The following BRIP1 variants were observed in gnomAD, a reference collection of about 807,000 sequenced individuals.
BRIP1 encodes the protein BRCA1 interacting DNA helicase 1.
Under a neutral mutation model 119.7 loss-of-function variants are expected in BRIP1, and 88 were observed. The ratio of observed to expected loss-of-function variants is 0.74; its 90% CI spans 0.62 to 0.88. The LOEUF (loss-of-function observed/expected upper bound fraction) is 0.88, where lower values mean the gene tolerates loss of function less well. BRIP1 is among the 40% of genes least tolerant of loss of function. BRIP1 has a pLI of 0.00. For synonymous variants in BRIP1, 443 were observed against 496.5 expected (o/e 0.89, Z 1.43); for missense variants, 1,259 against 1,455.4 (o/e 0.87, Z 2.20).
rs182647392 is a variant in BRIP1 at position 61,742,675 on chromosome 17, G to A, written c.2379+338C>T. Among the ~76,000 whole-genome samples, 7 of 152,240 alleles carry A rather than the reference G, an allele frequency of 4.6e-5. No individual in the cohort carries two copies. The highest frequency in any genetic ancestry group is 3.9e-4 in the East Asian group (2 of 5,188). ...AATACATACATCACTTATGAATTAC[G>A]TTTGCTCTCTTATGTGGGTACAGTA... On this transcript the variant is annotated intron_variant, in intron 16 of 19. Transcript: ENST00000259008. This position sits in a 1 kb window ranked among gnomAD's most constrained non-coding sequence, Gnocchi z 4.7.
intron 14 of BRIP1, among the ~76,000 whole-genome samples, chr17:61,749,133 C>T (rs940514082): frequency 1.6e-5 from 1 of 61,288 alleles, no homozygotes; most frequent in Non-Finnish European, 3.6e-5. Context: ...GAGACTCTGT[C>T]TAAAAAAAAA....
chr17:61,824,740 A>C lies in BRIP1; in HGVS notation c.628-15983T>G, dbSNP rs1030209216. On this transcript the variant is annotated intron_variant, in intron 6 of 19. Coordinates refer to ENST00000259008, the MANE Select transcript of BRIP1 (RefSeq NM_032043.3). The surrounding 1 kb of genome is among the most constrained non-coding windows in gnomAD (Gnocchi z 4.3). ...GGTGATAAAAAATGGACTTCATGAG[A>C]TAAATTGGACTCATGAAAATTAAAA... Among the ~76,000 whole-genome samples, 9 of 152,236 alleles carry C rather than the reference A, an allele frequency of 5.9e-5. No individual in the cohort carries two copies. Among genetic ancestry groups the C allele is most frequent in the African/African-American group, 2.2e-4 (9 of 41,468 alleles).
intron 4 of BRIP1, among the ~76,000 whole-genome samples, chr17:61,854,984 A>G (rs1282046441): frequency 6.6e-6 from 1 of 152,252 alleles, no homozygotes; most frequent in African/African-American, 2.4e-5. Flanking sequence ...ATCTCAAAAT[A>G]ATTGTCATAA....
chr17:61,813,141 AT>A (rs1328422933), intron 6 of BRIP1, among the ~76,000 whole-genome samples: 1 of 152,122 alleles, frequency 6.6e-6, no homozygotes, highest in Admixed American at 6.5e-5. Flanking sequence ...TACAAATTGA[AT>A]TTCAAAAGCA....
rs150551791 is a variant in BRIP1 at position 61,691,799 on chromosome 17, A to C, written c.2575+1631T>G. 5.6e-4 allele frequency among the ~76,000 whole-genome samples: 85 copies of C among 152,286 alleles called. No homozygotes were observed. Among genetic ancestry groups the C allele is most frequent in the African/African-American group, 1.9e-3 (80 of 41,564 alleles). On this transcript the variant is annotated intron_variant, in intron 18 of 19. Transcript: ENST00000259008. The surrounding 1 kb of genome is among the most constrained non-coding windows in gnomAD (Gnocchi z 5.0). ...ACCACAAAGGACCACAAATAGGCAA[A>C]AGAACCTTGAGAAAAATGATAAAAG...
rs929773878 is a variant in BRIP1 at position 61,745,454 on chromosome 17, G to C, written c.2098-863C>G. ...CAAGATCATAGCTCAGTGCAGCCTC[G>C]AACTACTAGGCTCAGGCAATCCCTC... On this transcript the variant is annotated intron_variant, in intron 14 of 19. Transcript: ENST00000259008. This position sits in a 1 kb window ranked among gnomAD's most constrained non-coding sequence, Gnocchi z 4.4. Among the ~76,000 whole-genome samples, 3 of 152,174 alleles carry C rather than the reference G, an allele frequency of 2.0e-5. No homozygotes were observed. Among genetic ancestry groups the C allele is most frequent in the African/African-American group, 4.8e-5 (2 of 41,532 alleles).
Position 61,725,897 on chromosome 17 carries a change from G to C in BRIP1, c.2380-9834C>G, listed in dbSNP as rs1420679906. ...CTGTCTTGGCCTCCCAAAGCTGTGG[G>C]ATTAAGGTGTTATCCACCATGCCTG... On this transcript the variant is annotated intron_variant, in intron 16 of 19. Transcript: ENST00000259008. This position sits in a 1 kb window ranked among gnomAD's most constrained non-coding sequence, Gnocchi z 5.3. Among the ~76,000 whole-genome samples the C allele has an allele frequency of 2.0e-5, 3 of 152,162 alleles. No homozygotes were observed. The highest frequency in any genetic ancestry group is 7.2e-5 in the African/African-American group (3 of 41,440).
At chr17:61,817,763 T>C (rs1219883394) in intron 6 of BRIP1, among the ~76,000 whole-genome samples, 1 of 152,150 alleles carries the variant, frequency 6.6e-6, no homozygotes, top group East Asian at 1.9e-4. Context: ...AGAAAACCAA[T>C]GGTTATTGCA....
Position 61,828,385 on chromosome 17 carries a change from T to A in BRIP1, c.627+18716A>T, listed in dbSNP as rs1420295619. On this transcript the variant is annotated intron_variant, in intron 6 of 19. Transcript: ENST00000259008. This position sits in a 1 kb window ranked among gnomAD's most constrained non-coding sequence, Gnocchi z 4.1. ...CATAGAGACGGAAAGGAGAACGGCA[T>A]TTTTCCTGGGGCTGGACAATAGGGA... Among the ~76,000 whole-genome samples the A allele has an allele frequency of 6.6e-6, 1 of 152,108 alleles. No individual in the cohort carries two copies. Among genetic ancestry groups the A allele is most frequent in the Non-Finnish European group, 1.5e-5 (1 of 68,012 alleles).
intron 17 of BRIP1, among the ~76,000 whole-genome samples, chr17:61,714,056 G>C (rs2061821336): frequency 6.6e-6 from 1 of 152,254 alleles, no homozygotes; most frequent in East Asian, 1.9e-4. Flanking sequence ...TGTGCCTGGA[G>C]TTCCAGCTAC....
chr17:61,756,001 A>G lies in BRIP1; in HGVS notation c.2098-11410T>C, dbSNP rs1312094784. Reference sequence around the variant, plus strand: ...CAATGTGTTTTATTTTAATTTCTTCAGTGGAGATTTTTTTTAAAGTACCTT... The same window carrying G: ...CAATGTGTTTTATTTTAATTTCTTCGGTGGAGATTTTTTTTAAAGTACCTT... On this transcript the variant is annotated intron_variant, in intron 14 of 19. Coordinates refer to ENST00000259008, the MANE Select transcript of BRIP1 (RefSeq NM_032043.3). This position sits in a 1 kb window ranked among gnomAD's most constrained non-coding sequence, Gnocchi z 4.3. Among the ~76,000 whole-genome samples, 2 of 152,194 alleles carry G rather than the reference A, an allele frequency of 1.3e-5. No homozygotes were observed. Among genetic ancestry groups the G allele is most frequent in the Admixed American group, 1.3e-4 (2 of 15,280 alleles).
rs2077437545 is a variant in BRIP1 at position 61,770,823 on chromosome 17, T to C, written c.2097+5578A>G. ...AAAATTTAAATGGCACACTAGAAAATATCTATCTATTAGATTCAAAAGGCA... is the reference window on the plus strand; with the variant it reads ...AAAATTTAAATGGCACACTAGAAAACATCTATCTATTAGATTCAAAAGGCA... On this transcript the variant is annotated intron_variant, in intron 14 of 19. Transcript: ENST00000259008. The surrounding 1 kb of genome is among the most constrained non-coding windows in gnomAD (Gnocchi z 4.7). Among the ~76,000 whole-genome samples the C allele has an allele frequency of 6.6e-6, 1 of 151,874 alleles. No homozygotes were observed. Among genetic ancestry groups the C allele is most frequent in the Non-Finnish European group, 1.5e-5 (1 of 67,966 alleles).
In BRIP1 at chr17:61,826,162, A is replaced by G. The variant is rs142200606; in HGVS notation, c.628-17405T>C. ...ACAAGCAATGGGGAAAGGATTCCCT[A>G]TTCAGTAAATGGTGCTGGGATAACT... is the stretch of plus-strand genomic sequence containing the variant. On this transcript the variant is annotated intron_variant, in intron 6 of 19. Transcript: ENST00000259008. Among the ~76,000 whole-genome samples the G allele has an allele frequency of 7.2e-5, 11 of 152,328 alleles. No homozygotes were observed. The East Asian group carries it at 2.1e-3, about 29-fold the overall frequency.
In BRIP1 at chr17:61,832,178, C is replaced by CTT. The variant is rs960304702; in HGVS notation, c.627+14921_627+14922dup. 4.6e-5 allele frequency among the ~76,000 whole-genome samples: 7 copies of CTT among 152,150 alleles called. No homozygotes were observed. Among genetic ancestry groups the CTT allele is most frequent in the Non-Finnish European group, 1.0e-4 (7 of 68,012 alleles). On this transcript the variant is annotated intron_variant, in intron 6 of 19. Coordinates refer to ENST00000259008, the MANE Select transcript of BRIP1 (RefSeq NM_032043.3). This position sits in a 1 kb window ranked among gnomAD's most constrained non-coding sequence, Gnocchi z 5.5. ...ATATAAGGTGAGCCTGGAACACTAT[C>CTT]TTTTGCCAAAAAATAAGGAAGCGTT...
chr17:61,776,599 G>A lies in BRIP1; in HGVS notation c.1936-37C>T. ...ATATGTCATTATTAGAGTTATGCCT[G>A]AAAAAGGCATGGAAATTAGTATTTA... On this transcript the variant is annotated intron_variant, in intron 13 of 19. Transcript: ENST00000259008. The surrounding 1 kb of genome is among the most constrained non-coding windows in gnomAD (Gnocchi z 5.0). 6.3e-7 allele frequency: 1 copy of A among 1,587,574 alleles called. No individual in the cohort carries two copies. Among genetic ancestry groups the A allele is most frequent in the Non-Finnish European group, 8.6e-7 (1 of 1,156,188 alleles).
In BRIP1 at chr17:61,743,922, A is replaced by G. The variant is rs1255492164; in HGVS notation, c.2257+510T>C. On this transcript the variant is annotated intron_variant, in intron 15 of 19. Transcript: ENST00000259008. This position sits in a 1 kb window ranked among gnomAD's most constrained non-coding sequence, Gnocchi z 4.3. ...GGCTGGTCTCGAACTCCTGGGCTCA[A>G]GTGATCCACCCGCCTCAGCCTCCCA... is the stretch of plus-strand genomic sequence containing the variant. 6.6e-6 allele frequency among the ~76,000 whole-genome samples: 1 copy of G among 152,100 alleles called. No individual in the cohort carries two copies. Among genetic ancestry groups the G allele is most frequent in the African/African-American group, 2.4e-5 (1 of 41,408 alleles).
rs2061270826 is a variant in BRIP1 at position 61,681,534 on chromosome 17, T to C, written c.*1762A>G. 1.4e-5 allele frequency: 3 copies of C among 208,214 alleles called. No individual in the cohort carries two copies. The highest frequency in any genetic ancestry group is 2.3e-5 in the African/African-American group (1 of 43,994). 12.9% of individuals were successfully genotyped at this position (208,214 alleles called of 1,614,324 possible). ...GTCTTCTACCAGGTATTTATTCGTT[T>C]CACTACCCTACTATCCCTATCTGTG... is the stretch of plus-strand genomic sequence containing the variant. On this transcript the variant is annotated 3_prime_UTR_variant, in exon 20 of 20. Coordinates refer to ENST00000259008, the MANE Select transcript of BRIP1 (RefSeq NM_032043.3). This position sits in a 1 kb window ranked among gnomAD's most constrained non-coding sequence, Gnocchi z 5.1.
intron 14 of BRIP1, among the ~76,000 whole-genome samples, chr17:61,771,062 T>G (rs930870122): frequency 6.6e-6 from 1 of 152,182 alleles, no homozygotes; most frequent in African/African-American, 2.4e-5. Context: ...ACAAATAGGT[T>G]GAAAGTAAAA....
At chr17:61,749,034 G>A (rs1371270837) in intron 14 of BRIP1, among the ~76,000 whole-genome samples, 3 of 152,022 alleles carry the variant, frequency 2.0e-5, no homozygotes, top group East Asian at 3.9e-4. Context: ...CTACTCGGGA[G>A]GCTGAGGCAA....
Sources: gnomAD v4.1 joint callset for allele counts (sites outside exome capture counted in the v4.1 genomes callset) on GRCh38, gnomAD v4.1.1 for gene constraint, Gnocchi (gnomAD v3.1) non-coding constraint, MANE v1.5 for transcripts, NCBI Gene and HGNC (gene_info 2026-07-23, HGNC 2026-07-21) for gene names.